The following LRRC28 variants were observed in gnomAD, a reference collection of about 807,000 sequenced individuals.
The protein encoded by LRRC28 is leucine-rich repeat-containing protein 28.
Under a neutral mutation model 45.7 loss-of-function variants are expected in LRRC28, and 39 were observed. That is an observed-to-expected ratio of 0.85 (90% confidence interval 0.66 to 1.12). LRRC28 has a LOEUF of 1.12. Among genes scored for constraint, LRRC28 ranks in the 50% most tolerant of loss-of-function variants. The pLI is 0.00. For synonymous variants in LRRC28, 206 were observed against 178.8 expected (o/e 1.15, Z -1.22); for missense variants, 435 against 438.5 (o/e 0.99, Z 0.07).
chr15:99,378,446 C>T (rs1271707820), intron 9 of LRRC28, among the ~76,000 whole-genome samples: 190 of 152,186 alleles, frequency 1.2e-3, no homozygotes, highest in African/African-American at 3.7e-3. Flanking sequence ...TGGGCTGAGA[C>T]GATGGGGTTT....
intron 5 of LRRC28, among the ~76,000 whole-genome samples, chr15:99,291,455 G>A (rs138301894): frequency 6.6e-6 from 1 of 152,256 alleles, no homozygotes; most frequent in Non-Finnish European, 1.5e-5. Context: ...ATTTAAGTCT[G>A]TAAGGGGCTA....
At chr15:99,327,099 G>T (rs1283200411) in intron 5 of LRRC28, among the ~76,000 whole-genome samples, 1 of 152,010 alleles carries the variant, frequency 6.6e-6, no homozygotes, top group Non-Finnish European at 1.5e-5. Context: ...TTTGAGACAA[G>T]AGTCTTGCTC....
intron 5 of LRRC28, among the ~76,000 whole-genome samples, chr15:99,325,111 G>A (rs184318798): frequency 3.3e-4 from 50 of 152,082 alleles, no homozygotes; most frequent in African/African-American, 9.4e-4. Flanking sequence ...TTCTCTCAAC[G>A]GTATTTTGCA....
At chr15:99,351,260 G>A (rs1375576617) in intron 6 of LRRC28, among the ~76,000 whole-genome samples, 2 of 152,198 alleles carry the variant, frequency 1.3e-5, no homozygotes, top group African/African-American at 4.8e-5. Context: ...CATGGGAAGG[G>A]ATGGCCTGTA....
intron 2 of LRRC28, among the ~76,000 whole-genome samples, chr15:99,268,631 C>T (rs1201148436): frequency 6.6e-6 from 1 of 152,156 alleles, no homozygotes. Context: ...AAGTAAGGCA[C>T]TTGTACACGG....
intron 9 of LRRC28, among the ~76,000 whole-genome samples, chr15:99,376,940 A>G (rs1309062852): frequency 6.6e-6 from 1 of 152,164 alleles, no homozygotes; most frequent in African/African-American, 2.4e-5. Flanking sequence ...AATCCAGTCT[A>G]TCATTGATGG....
In LRRC28 at chr15:99,303,931, G is replaced by A. The variant is rs115287410; in HGVS notation, c.385+15980G>A. Among the ~76,000 whole-genome samples, 550 of 152,232 alleles carry A rather than the reference G, an allele frequency of 3.6e-3. 6 individuals are homozygous for A. Among genetic ancestry groups the A allele is most frequent in the African/African-American group, 0.013 (528 of 41,548 alleles). ...GTCCCCCCCACTGGATGTAATTTAT[G>A]TATGTGTTTATAAACAAGAATTGTT... On this transcript the variant is annotated intron_variant, in intron 5 of 9. Transcript: ENST00000301981.
rs373756221 is a variant in LRRC28, at chr15:99,289,910, G to A, written c.385+1959G>A. Among the ~76,000 whole-genome samples the A allele has an allele frequency of 2.6e-3, 335 of 129,690 alleles. 5 individuals carry two copies. The highest frequency in any genetic ancestry group is 8.9e-3 in the African/African-American group (308 of 34,564). 85.1% of individuals were successfully genotyped at this position (129,690 alleles called of 152,430 possible). A position where few individuals can be genotyped will look rare whatever the true frequency, so the allele number is the denominator to read the frequency against. On this transcript the variant is annotated intron_variant, in intron 5 of 9. Coordinates refer to ENST00000301981, the MANE Select transcript of LRRC28 (RefSeq NM_144598.5). ...ATTGCGCCACTGCAGTCCGCAGTCC[G>A]GCCTGGGCGACAGAGCAAGACTCCG...
chr15:99,325,507 C>A (rs1162865695), intron 5 of LRRC28, among the ~76,000 whole-genome samples: 1 of 152,154 alleles, frequency 6.6e-6, no homozygotes, highest in African/African-American at 2.4e-5. Context: ...GCCTTGTAGG[C>A]ACAAGGGGGA....
At chr15:99,334,195 A>T in intron 6 of LRRC28, 66 bp downstream of exon 6, 1 of 1,547,284 alleles carries the variant, frequency 6.5e-7, no homozygotes, top group Non-Finnish European at 8.9e-7. Flanking sequence ...TTCTTTGACT[A>T]GAACCAATTA....
intron 5 of LRRC28, among the ~76,000 whole-genome samples, chr15:99,321,612 A>T (rs1955800261): frequency 6.6e-6 from 1 of 152,238 alleles, no homozygotes; most frequent in African/African-American, 2.4e-5. Flanking sequence ...TTTCCTCAAA[A>T]GTCCACAACT....
At chr15:99,380,241 T>G (rs1403094208) in intron 9 of LRRC28, among the ~76,000 whole-genome samples, 3 of 152,240 alleles carry the variant, frequency 2.0e-5, no homozygotes, top group Middle Eastern at 3.2e-3. Context: ...TGCATATATA[T>G]TTAGGATAGT....
chr15:99,281,248 T>C (rs1349133877), intron 3 of LRRC28, among the ~76,000 whole-genome samples: 1 of 152,102 alleles, frequency 6.6e-6, no homozygotes. Flanking sequence ...AGGCTGGCTT[T>C]CTGTGTGTGT....
At chr15:99,258,585 A>C (rs530995613) in intron 2 of LRRC28, 1 of 747,312 alleles carries the variant, frequency 1.3e-6, no homozygotes, top group African/African-American at 1.7e-5. Context: ...GAAACCAAAG[A>C]CTAAAAAAGT....
intron 9 of LRRC28, among the ~76,000 whole-genome samples, chr15:99,379,315 T>C (rs900243832): frequency 9.9e-5 from 15 of 152,226 alleles, no homozygotes; most frequent in African/African-American, 3.6e-4. Flanking sequence ...ATTTTCTAGT[T>C]TATTTGCGTA....
In LRRC28 at chr15:99,387,215, C is replaced by G. The variant is rs113698048; in HGVS notation, c.*1113C>G. 6.9e-6 allele frequency: 1 copy of G among 144,670 alleles called. No homozygotes were observed. The highest frequency in any genetic ancestry group is 2.6e-5 in the African/African-American group (1 of 38,042). 9.0% of individuals were successfully genotyped at this position (144,670 alleles called of 1,614,324 possible). On this transcript the variant is annotated 3_prime_UTR_variant, in exon 10 of 10. Transcript: ENST00000301981. ...AGCTGGGACCACAGGCGCCCGCCAC[C>G]ACGCCCGGCTAATTTTTTGTATTTT...
At chr15:99,273,229 T>G (rs12901501) in intron 2 of LRRC28, among the ~76,000 whole-genome samples, 14,609 of 129,236 alleles carry the variant, frequency 0.11, 995 homozygotes, top group East Asian at 0.37. Flanking sequence ...GTGTGGTGTG[T>G]TTTTTTTTGT....
At chr15:99,383,226 A>G (rs552446273) in intron 9 of LRRC28, among the ~76,000 whole-genome samples, 4 of 152,212 alleles carry the variant, frequency 2.6e-5, no homozygotes, top group South Asian at 4.2e-4. Flanking sequence ...CTTGGAGCCA[A>G]TTGCATCTGT....
rs114937075 is a variant in LRRC28, at chr15:99,296,753, C to T, written c.385+8802C>T. ...TGCTATGTGCTAGAGAAAGTGGGCA[C>T]TAAGAAGGAAAACAAAATCTGGACC... On this transcript the variant is annotated intron_variant, in intron 5 of 9. Transcript: ENST00000301981. Among the ~76,000 whole-genome samples the T allele has an allele frequency of 7.4e-3, 1,128 of 152,018 alleles. 10 individuals carry two copies. Among genetic ancestry groups the T allele is most frequent in the African/African-American group, 0.026 (1,097 of 41,436 alleles).
Sources: gnomAD v4.1 joint callset for allele counts (sites outside exome capture counted in the v4.1 genomes callset) on GRCh38, gnomAD v4.1.1 for gene constraint, MANE v1.5 for transcripts, NCBI Gene and HGNC (gene_info 2026-07-23, HGNC 2026-07-21) for gene names.